Variants in RAPGEF3 observed in about 807,000 individuals in gnomAD.
RAPGEF3 encodes the protein 9330170P05Rik.
Under a neutral mutation model 129.8 loss-of-function variants are expected in RAPGEF3, and 103 were observed. That is an observed-to-expected ratio of 0.79 (90% CI 0.68 to 0.93). RAPGEF3 has a LOEUF of 0.93. Ranked by LOEUF, RAPGEF3 falls within the 40% of genes least tolerant of loss-of-function variation. The pLI is 0.00. For missense variants in RAPGEF3, 1,117 were observed against 1,207.4 expected (o/e 0.93, Z 1.11); for synonymous variants, 436 against 482.6 (o/e 0.90, Z 1.26).
At chr12:47,740,846 G>A (rs747194382) in intron 20 of RAPGEF3, 23 bp from the exon 21 acceptor site, 5 of 1,613,600 alleles carry the variant, frequency 3.1e-6, no homozygotes, top group Non-Finnish European at 2.5e-6. Flanking sequence ...AGCAGGAGAG[G>A]TCAGCGAGTG....
In RAPGEF3 at chr12:47,740,299, A is replaced by G. The variant is rs776809568; in HGVS notation, c.2322+6T>C. ...CTCAGGAGGGGGCCCTCCAGACCAC[A>G]CTTACCTCCCAGGTGTGGGCTAGGC... On this transcript the variant is annotated splice_donor_region_variant and intron_variant, in intron 22 of 27. Transcript: ENST00000449771. The G allele has an allele frequency of 1.2e-6, 2 of 1,613,866 alleles. No individual in the cohort carries two copies. Among genetic ancestry groups the G allele is most frequent in the African/African-American group, 2.7e-5 (2 of 74,928 alleles).
In RAPGEF3 at chr12:47,748,468, G is replaced by A. The variant is rs915661494; in HGVS notation, c.1229C>T (p.Ala410Val). The A allele has an allele frequency of 6.2e-7, 1 of 1,613,574 alleles. No individual in the cohort carries two copies. The highest frequency in any genetic ancestry group is 8.5e-7 in the Non-Finnish European group (1 of 1,179,840). The change falls in exon 12 of 28, where the codon GCT (alanine) becomes GTT (valine). Residue 410 changes from alanine to valine, a missense_variant. This residue lies in a region of RAPGEF3 where 643 missense variants were observed against 673.4 expected (regional missense o/e 0.95). Transcript: ENST00000449771. ...CTTGCCCTTACCTGTTGGGTCATGAGCACTGGAATCTGGTCCCATGGCCTC... is the reference window on the plus strand; with the variant it reads ...CTTGCCCTTACCTGTTGGGTCATGAACACTGGAATCTGGTCCCATGGCCTC... ...LLEAMGPDSSAHDPTETFLSD... is the reference protein window; with the variant it reads ...LLEAMGPDSSVHDPTETFLSD...
intron 2 of RAPGEF3, among the ~76,000 whole-genome samples, chr12:47,757,316 G>A (rs1445210660): frequency 1.3e-5 from 2 of 152,028 alleles, no homozygotes; most frequent in African/African-American, 4.8e-5. Context: ...ACTAGCAAAG[G>A]GCACTTTGGT....
intron 1 of RAPGEF3, 131 bp from the exon 2 acceptor site, chr12:47,758,209 G>A: frequency 6.9e-7 from 1 of 1,439,294 alleles, no homozygotes; most frequent in South Asian, 1.5e-5. Flanking sequence ...CTGCAACCCT[G>A]CCAGGAGCTG....
intron 24 of RAPGEF3, 150 bp from the exon 25 acceptor site, chr12:47,738,904 G>A (rs980528580): frequency 3.8e-6 from 3 of 784,150 alleles, no homozygotes; most frequent in Non-Finnish European, 2.2e-6. Flanking sequence ...GCATTTCCTT[G>A]TATCTCTTAG....
chr12:47,740,691 G>GCA lies in RAPGEF3; in HGVS notation c.2180_2181dup (p.Pro728CysfsTer43). The GCA allele has an allele frequency of 6.2e-7, 1 of 1,613,874 alleles. No homozygotes were observed. The highest frequency in any genetic ancestry group is 1.1e-5 in the South Asian group (1 of 91,084). ...CTGAGCAGCTGGGCCCGGGGGCCGG[G>GCA]CACGGGGCAGAGACACAGCTCGGTG... On this transcript the variant is annotated frameshift_variant, in exon 21 of 28. Coordinates refer to ENST00000449771, the MANE Select transcript of RAPGEF3 (RefSeq NM_001098531.4). LOFTEE classifies it high-confidence loss of function.
At chr12:47,750,929 G>C (rs1941702792) in intron 6 of RAPGEF3, 119 bp downstream of exon 6, 20 of 1,429,406 alleles carry the variant, frequency 1.4e-5, no homozygotes, top group Non-Finnish European at 1.8e-5. Context: ...TTCTGGGCCA[G>C]CCAGGTTCCC....
rs748305598 is a variant in RAPGEF3 at position 47,741,058 on chromosome 12, C to T, written c.1924-18G>A. 6.2e-7 allele frequency: 1 copy of T among 1,610,526 alleles called. No individual in the cohort carries two copies. Among genetic ancestry groups the T allele is most frequent in the Non-Finnish European group, 8.5e-7 (1 of 1,178,670 alleles). On this transcript the variant is annotated intron_variant, in intron 19 of 27. Coordinates refer to ENST00000449771, the MANE Select transcript of RAPGEF3 (RefSeq NM_001098531.4). ...TGTGGGATCTGCGGGTGGGAGAGTG[C>T]TCAGGGGGCTGCCTGAGGAATCCAG...
In RAPGEF3 at chr12:47,748,515, C is replaced by T. The variant is rs1244637214; in HGVS notation, c.1182G>A (p.Glu394=). Reference sequence around the variant, plus strand: ...CCTCCAACAGAAGCTCTAGGATCTTCTCTGGGGTGCCAGACATCACTGTAT... The same window carrying T: ...CCTCCAACAGAAGCTCTAGGATCTTTTCTGGGGTGCCAGACATCACTGTAT... ...NRYTVMSGTP[E]KILELLLEAM... Residue 394 remains glutamate (E), a synonymous_variant, in exon 12 of 28, where the codon GAG becomes GAA. Coordinates refer to ENST00000449771, the MANE Select transcript of RAPGEF3 (RefSeq NM_001098531.4). 2.5e-6 allele frequency: 4 copies of T among 1,613,982 alleles called. No homozygotes were observed. The highest frequency in any genetic ancestry group is 1.1e-5 in the South Asian group (1 of 91,052).
intron 2 of RAPGEF3, among the ~76,000 whole-genome samples, chr12:47,754,455 G>A (rs1264138385): frequency 6.6e-6 from 1 of 152,234 alleles, no homozygotes; most frequent in African/African-American, 2.4e-5. Flanking sequence ...GGTCAAGTGT[G>A]TAGGCTCTGC....
intron 25 of RAPGEF3, among the ~76,000 whole-genome samples, chr12:47,738,480 A>T (rs767646547): frequency 6.6e-6 from 1 of 152,214 alleles, no homozygotes; most frequent in Non-Finnish European, 1.5e-5. Context: ...GAGGGCTGGA[A>T]GGGCTCTCGT....
intron 23 of RAPGEF3, chr12:47,739,554 T>C (rs755591071): frequency 3.6e-5 from 19 of 525,246 alleles, no homozygotes; most frequent in Non-Finnish European, 6.6e-5. Context: ...GTAAACTCCT[T>C]TGAATCCCTT....
chr12:47,743,795 G>A, intron 17 of RAPGEF3, 119 bp from the exon 18 acceptor site: 1 of 1,449,434 alleles, frequency 6.9e-7, no homozygotes, highest in South Asian at 1.3e-5. Context: ...CTGCAGGTGG[G>A]GAGGCCCTGA....
rs1352701591 is a variant in RAPGEF3, at chr12:47,739,523, C to G, written c.2374-293G>C. 1.3e-5 allele frequency: 8 copies of G among 609,346 alleles called. No homozygotes were observed. In the Admixed American group the frequency reaches 2.0e-4, roughly 15 times the overall value. The allele number at this position is 609,346 out of a possible 1,614,324, so 37.7% of individuals were successfully genotyped here. A position where few individuals can be genotyped will look rare whatever the true frequency, so the allele number is the denominator to read the frequency against. ...TCTATCCCTGTCTCTTTCTGTGTCCCTCCCTCTCTCTCTCTGCAGAGTAAA... is the reference window on the plus strand; with the variant it reads ...TCTATCCCTGTCTCTTTCTGTGTCCGTCCCTCTCTCTCTCTGCAGAGTAAA... On this transcript the variant is annotated intron_variant, in intron 23 of 27. Transcript: ENST00000449771.
chr12:47,738,751 A>T lies in RAPGEF3; in HGVS notation c.2465T>A (p.Met822Lys), dbSNP rs1443124541. ...GTGGTTTCCCTCATGAATGAAGGTC[A>T]TGTCTGCAAAGAGATGGGTTTTGTT... ...IPFMPLLLKD[M>K]TFIHEGNHTL... Residue 822 changes from methionine (M) to lysine (K), a missense_variant, in exon 25 of 28, where the codon ATG (methionine) becomes AAG (lysine). By Grantham distance (95) the Met-to-Lys change is moderately conservative. Transcript: ENST00000449771. The T allele has an allele frequency of 1.2e-6, 2 of 1,608,600 alleles. No individual in the cohort carries two copies. The highest frequency in any genetic ancestry group is 2.2e-5 in the East Asian group (1 of 44,846).
chr12:47,740,508 A>T, intron 21 of RAPGEF3, 113 bp from the exon 22 acceptor site: 1 of 1,479,566 alleles, frequency 6.8e-7, no homozygotes, highest in Non-Finnish European at 9.3e-7. Flanking sequence ...ATGGGGTGGG[A>T]AGGCAGAGGC....
intron 16 of RAPGEF3, chr12:47,746,234 A>C (rs1267391459): frequency 9.7e-6 from 2 of 205,518 alleles, no homozygotes; most frequent in African/African-American, 4.8e-5. Flanking sequence ...AGCCAGTAAG[A>C]GTCTCCAGCA....
Position 47,740,801 on chromosome 12 carries a change from A to T in RAPGEF3, c.2072T>A (p.Leu691Gln). Reference protein sequence around the residue: ...IHQVELIHYVLGPQHLRDVTT... With the variant: ...IHQVELIHYVQGPQHLRDVTT... ...GACATCCCGCAGATGCTGGGGGCCC[A>T]GCACATAGTGGATCAGCTCCACCTG... is the stretch of plus-strand genomic sequence containing the variant. The change falls in exon 21 of 28, where the codon CTG becomes CAG. Residue 691 changes from leucine (L) to glutamine (Q), a missense_variant. Physicochemically the swap from Leu to Gln is moderately radical, Grantham distance 113. Around this residue, in one of 3 missense-constraint regions of RAPGEF3, gnomAD observed 643 missense variants for 673.4 expected, o/e 0.95. Coordinates refer to ENST00000449771, the MANE Select transcript of RAPGEF3 (RefSeq NM_001098531.4). 6 of 1,614,008 alleles carry T rather than the reference A, an allele frequency of 3.7e-6. No homozygotes were observed. The highest frequency in any genetic ancestry group is 5.1e-6 in the Non-Finnish European group (6 of 1,179,980).
chr12:47,746,531 C>T (rs1941425565), intron 16 of RAPGEF3: 3 of 648,516 alleles, frequency 4.6e-6, no homozygotes, highest in Admixed American at 3.0e-5. Flanking sequence ...CCAGGAGCCC[C>T]GTGGGCCTCA....
Sources: gnomAD v4.1 joint callset for allele counts (sites outside exome capture counted in the v4.1 genomes callset) on GRCh38, gnomAD v4.1.1 for gene constraint, gnomAD v4.1.1 regional missense constraint, MANE v1.5 for transcripts, NCBI Gene and HGNC (gene_info 2026-07-23, HGNC 2026-07-21) for gene names.